The following RBFOX1 variants were observed in gnomAD, a reference collection of about 807,000 sequenced individuals.
RBFOX1 encodes the protein RNA binding fox-1 homolog 1, also known as RNA binding protein fox-1 homolog 1.
In RBFOX1, 8 loss-of-function variants were observed where a neutral mutation model predicts 57.7. The observed-to-expected ratio is 0.14, with a 90% CI of 0.08 to 0.25. RBFOX1 has a LOEUF of 0.25. Among genes scored for constraint, RBFOX1 ranks in the 10% least tolerant of loss-of-function variants. The pLI, the probability that RBFOX1 is intolerant of heterozygous loss-of-function variation, is 1.00. For synonymous variants in RBFOX1, 326 were observed against 222.4 expected, an observed-to-expected ratio of 1.47 and a Z score of -4.15; for missense variants, 611 against 548.5, an observed-to-expected ratio of 1.11 and a Z score of -1.14.
rs370861551 is a variant in RBFOX1, at chr16:7,696,352, C to T, written c.996-12704C>T. Among the ~76,000 whole-genome samples the T allele has an allele frequency of 7.9e-5, 12 of 152,246 alleles. No individual in the cohort carries two copies. In the East Asian group the frequency reaches 1.7e-3, roughly 22 times the overall value. On this transcript the variant is annotated intron_variant, in intron 14 of 15. Coordinates refer to ENST00000550418, the MANE Select transcript of RBFOX1 (RefSeq NM_018723.4). Reference sequence around the variant, plus strand: ...GTCCTCATTCAGTAACATCAAGAACCTTTGATGAGTTGGATTCTTCAATAG... The same window carrying T: ...GTCCTCATTCAGTAACATCAAGAACTTTTGATGAGTTGGATTCTTCAATAG...
chr16:6,417,428 T>A (rs1221584926), intron 2 of RBFOX1, among the ~76,000 whole-genome samples: 1 of 149,698 alleles, frequency 6.7e-6, no homozygotes, highest in African/African-American at 2.5e-5. Context: ...TTTTTTTTTT[T>A]TTTGAGACTG....
At chr16:5,331,529 C>T (rs187231092) in intron 1 of RBFOX1, among the ~76,000 whole-genome samples, 74 of 152,342 alleles carry the variant, frequency 4.9e-4, no homozygotes, top group African/African-American at 1.6e-3. Context: ...GCATGTCCTT[C>T]TTAGGGTAAT....
chr16:7,197,998 C>CTTTCTTTCTTTTTTTTTTTTTTTT (rs61556349), intron 4 of RBFOX1, among the ~76,000 whole-genome samples: 34 of 55,600 alleles, frequency 6.1e-4, no homozygotes, highest in Non-Finnish European at 9.6e-4. Context: ...TTCTTTCTTT[C>CTTTCTTTCTTTTTTTTTTTTTTTT]TTTTTTTTTT....
At chr16:7,424,984 G>A (rs1419301084) in intron 4 of RBFOX1, among the ~76,000 whole-genome samples, 1 of 152,034 alleles carries the variant, frequency 6.6e-6, no homozygotes, top group Non-Finnish European at 1.5e-5. Context: ...TCTTAGAGAT[G>A]GTATGAGTAT....
intron 2 of RBFOX1, among the ~76,000 whole-genome samples, chr16:6,424,197 C>G (rs1321389649): frequency 6.6e-6 from 1 of 152,168 alleles, no homozygotes; most frequent in Non-Finnish European, 1.5e-5. Context: ...TAAGATTGCA[C>G]CACTGCACTG....
intron 4 of RBFOX1, among the ~76,000 whole-genome samples, chr16:7,207,863 G>A (rs916017323): frequency 6.6e-6 from 1 of 152,140 alleles, no homozygotes; most frequent in South Asian, 2.1e-4. Context: ...TCAGGAGAGA[G>A]AGCTAAGGAG....
chr16:7,325,597 G>A (rs1291280026), intron 4 of RBFOX1, among the ~76,000 whole-genome samples: 1 of 152,118 alleles, frequency 6.6e-6, no homozygotes, highest in East Asian at 1.9e-4. Context: ...CTCTTCTCCG[G>A]GTGTCTTTTT....
intron 2 of RBFOX1, among the ~76,000 whole-genome samples, chr16:6,587,863 A>G (rs970831991): frequency 1.3e-5 from 2 of 152,178 alleles, no homozygotes; most frequent in Non-Finnish European, 2.9e-5. Context: ...TCCCATATAT[A>G]TTGGACAATT....
At chr16:6,112,418 C>T (rs1012692087) in intron 1 of RBFOX1, among the ~76,000 whole-genome samples, 17 of 152,148 alleles carry the variant, frequency 1.1e-4, no homozygotes, top group Non-Finnish European at 7.3e-5. Context: ...AGGCTGGGCA[C>T]GGTGACTCAC....
intron 1 of RBFOX1, among the ~76,000 whole-genome samples, chr16:5,359,438 A>G (rs1047319569): frequency 1.3e-5 from 2 of 152,222 alleles, no homozygotes; most frequent in East Asian, 1.9e-4. Flanking sequence ...CCAACAGTGT[A>G]CACGAGTTCC....
At chr16:6,742,823 G>A (rs924002703) in intron 3 of RBFOX1, among the ~76,000 whole-genome samples, 88 of 152,010 alleles carry the variant, frequency 5.8e-4, no homozygotes, top group African/African-American at 2.0e-3. Context: ...CCAGTATGGT[G>A]GGAGAAAAAA....
At chr16:7,174,262 T>C (rs1424053359) in intron 4 of RBFOX1, among the ~76,000 whole-genome samples, 1 of 152,216 alleles carries the variant, frequency 6.6e-6, no homozygotes, top group East Asian at 1.9e-4. Flanking sequence ...GTTTCTTTAT[T>C]ATTGAGTAAT....
In RBFOX1 at chr16:7,186,508, A is replaced by G. The variant is rs28758878; in HGVS notation, c.27+134410A>G. Among the ~76,000 whole-genome samples, 31 of 131,818 alleles carry G rather than the reference A, an allele frequency of 2.4e-4. 1 individual carries two copies. The highest frequency in any genetic ancestry group is 8.9e-4 in the African/African-American group (30 of 33,594). 86.5% of individuals were successfully genotyped at this position (131,818 alleles called of 152,430 possible). ...TAAACATATTTATATAAATATAAGCATAAACATATTTATATAAATATAAGC... is the reference window on the plus strand; with the variant it reads ...TAAACATATTTATATAAATATAAGCGTAAACATATTTATATAAATATAAGC... On this transcript the variant is annotated intron_variant, in intron 4 of 15. Transcript: ENST00000550418.
At chr16:7,052,238 G>C (rs913114541) in intron 4 of RBFOX1, 140 bp downstream of exon 4, 4 of 1,328,302 alleles carry the variant, frequency 3.0e-6, no homozygotes, top group Non-Finnish European at 4.0e-6. Flanking sequence ...ATTTATCCCA[G>C]CTTATTTAGT....
At chr16:6,976,618 A>C (rs369084512) in intron 3 of RBFOX1, among the ~76,000 whole-genome samples, 3 of 150,918 alleles carry the variant, frequency 2.0e-5, no homozygotes, top group African/African-American at 7.3e-5. Flanking sequence ...CCCGAAAGTA[A>C]GAGGAAGAAC....
At chr16:6,969,161 A>C (rs1004657158) in intron 3 of RBFOX1, among the ~76,000 whole-genome samples, 1 of 152,076 alleles carries the variant, frequency 6.6e-6, no homozygotes, top group African/African-American at 2.4e-5. Flanking sequence ...TCTGTCCCCA[A>C]AATAGGTAAC....
At chr16:6,770,911 C>G (rs759786819) in intron 3 of RBFOX1, among the ~76,000 whole-genome samples, 4 of 152,148 alleles carry the variant, frequency 2.6e-5, no homozygotes, top group Non-Finnish European at 5.9e-5. Flanking sequence ...GTGCTTGGGT[C>G]TGAGAATTAC....
At chr16:7,327,667 C>T (rs1490640250) in intron 4 of RBFOX1, among the ~76,000 whole-genome samples, 2 of 152,134 alleles carry the variant, frequency 1.3e-5, no homozygotes. Context: ...CTACAGTGAG[C>T]TCCTGACCTG....
chr16:7,020,023 G>A (rs1010473856), intron 3 of RBFOX1, among the ~76,000 whole-genome samples: 7 of 150,272 alleles, frequency 4.7e-5, no homozygotes, highest in African/African-American at 1.5e-4. Flanking sequence ...CCCTCAGGAA[G>A]GCGTCTGTAG....
Sources: allele counts gnomAD v4.1 joint callset (sites outside exome capture counted in the v4.1 genomes callset), GRCh38; gene constraint gnomAD v4.1.1; transcripts MANE v1.5; gene names NCBI Gene and HGNC (gene_info 2026-07-23, HGNC 2026-07-21).